OPCML: variants seen among roughly 807,000 people sequenced by gnomAD.
The protein encoded by OPCML is opioid binding protein/cell adhesion molecule like.
Under a neutral mutation model 37.8 loss-of-function variants are expected in OPCML, and 13 were observed. That is an observed-to-expected ratio of 0.34 (90% CI 0.22 to 0.55). OPCML has a LOEUF of 0.55. Ranked by LOEUF, OPCML falls within the 20% of genes least tolerant of loss-of-function variation. The pLI is 0.91. For missense variants in OPCML, 341 were observed against 435.6 expected (o/e 0.78, Z 1.93); for synonymous variants, 176 against 168.8 (o/e 1.04, Z -0.33).
At chr11:132,946,202 G>A (rs1219440160) in intron 1 of OPCML, among the ~76,000 whole-genome samples, 2 of 152,202 alleles carry the variant, frequency 1.3e-5, no homozygotes, top group African/African-American at 4.8e-5. Flanking sequence ...CACACTGGAA[G>A]AGCTTCAGGA....
chr11:132,531,524 CT>C (rs1314832220), intron 3 of OPCML, among the ~76,000 whole-genome samples: 1 of 152,158 alleles, frequency 6.6e-6, no homozygotes, highest in African/African-American at 2.4e-5. Flanking sequence ...ACAGGTAAGT[CT>C]TTTCAAGGAG....
intron 2 of OPCML, among the ~76,000 whole-genome samples, chr11:132,735,044 G>T (rs1430569301): frequency 1.3e-5 from 2 of 152,148 alleles, no homozygotes; most frequent in African/African-American, 2.4e-5. Context: ...AGTTGAAGGT[G>T]TACCTAAGTT....
intron 2 of OPCML, among the ~76,000 whole-genome samples, chr11:132,921,948 C>T (rs1235806090): frequency 9.9e-5 from 15 of 151,896 alleles, no homozygotes; most frequent in Admixed American, 3.3e-4. Flanking sequence ...GGCATGATCT[C>T]GGCTCACTGC....
intron 1 of OPCML, among the ~76,000 whole-genome samples, chr11:133,225,179 T>G (rs1015797487): frequency 9.2e-5 from 14 of 152,190 alleles, no homozygotes; most frequent in African/African-American, 2.7e-4. Flanking sequence ...AATCAGGCAC[T>G]TTGCTACTTA....
At chr11:133,152,391 A>T (rs928604761) in intron 1 of OPCML, among the ~76,000 whole-genome samples, 1 of 152,058 alleles carries the variant, frequency 6.6e-6, no homozygotes, top group Non-Finnish European at 1.5e-5. Flanking sequence ...TTATTTAAGA[A>T]CTCGGAGTTT....
chr11:132,584,813 G>T (rs949606100), intron 3 of OPCML, among the ~76,000 whole-genome samples: 3 of 152,336 alleles, frequency 2.0e-5, no homozygotes, highest in African/African-American at 7.2e-5. Flanking sequence ...CCTTAGAGCT[G>T]AAATAAGTTC....
At chr11:133,063,349 T>G (rs954804880) in intron 1 of OPCML, among the ~76,000 whole-genome samples, 1 of 152,046 alleles carries the variant, frequency 6.6e-6, no homozygotes, top group Non-Finnish European at 1.5e-5. Context: ...CAGCCTCCCA[T>G]GGGGTCAGAA....
rs1365794866 is a variant in OPCML, at chr11:132,943,312, C to T, written c.62-302G>A. 2 of 649,372 alleles carry T rather than the reference C, an allele frequency of 3.1e-6. No individual in the cohort carries two copies. The allele number at this position is 649,372 out of a possible 1,614,324, so 40.2% of individuals were successfully genotyped here. A position where few individuals can be genotyped will look rare whatever the true frequency, so the allele number is the denominator to read the frequency against. ...CCAGCCTAGCAGAACCAGATGCCCC[C>T]TCCTGCATCCAAAAAGAGCTTTCTT... is the stretch of plus-strand genomic sequence containing the variant. On this transcript the variant is annotated intron_variant, in intron 1 of 7. Transcript: ENST00000524381. This position sits in a 1 kb window ranked among gnomAD's most constrained non-coding sequence, Gnocchi z 4.3.
intron 1 of OPCML, among the ~76,000 whole-genome samples, chr11:133,280,536 T>G (rs898419640): frequency 6.6e-6 from 1 of 152,214 alleles, no homozygotes; most frequent in Non-Finnish European, 1.5e-5. Flanking sequence ...TCAAATCCCC[T>G]AACATTTGCG....
At chr11:133,175,496 A>AT (rs1950357818) in intron 1 of OPCML, among the ~76,000 whole-genome samples, 2 of 151,730 alleles carry the variant, frequency 1.3e-5, no homozygotes, top group Non-Finnish European at 2.9e-5. Flanking sequence ...AAAAAAAAAA[A>AT]AACAGAACTA....
rs1214507492 is a variant in OPCML, at chr11:132,668,601, T to C, written c.147-11282A>G. ...CACTGTTGCCTCATCTGGACAAATATAATTCAAGCTCTATGATCTAAGAGT... is the reference window on the plus strand; with the variant it reads ...CACTGTTGCCTCATCTGGACAAATACAATTCAAGCTCTATGATCTAAGAGT... On this transcript the variant is annotated intron_variant, in intron 2 of 7. Transcript: ENST00000524381. Among the ~76,000 whole-genome samples the C allele has an allele frequency of 3.9e-5, 6 of 152,206 alleles. No homozygotes were observed. The East Asian group carries it at 1.2e-3, about 29-fold the overall frequency.
intron 1 of OPCML, among the ~76,000 whole-genome samples, chr11:133,237,108 G>A (rs530945035): frequency 6.6e-6 from 1 of 152,308 alleles, no homozygotes; most frequent in African/African-American, 2.4e-5. Flanking sequence ...TTTAAGAAGT[G>A]CTAACCAAAA....
chr11:133,342,766 G>A lies in OPCML; in HGVS notation c.61+189498C>T, dbSNP rs76245297. Among the ~76,000 whole-genome samples, 916 of 152,262 alleles carry A rather than the reference G, an allele frequency of 6.0e-3. 2 individuals carry two copies. The highest frequency in any genetic ancestry group is 0.014 in the Middle Eastern group (4 of 294). On this transcript the variant is annotated intron_variant, in intron 1 of 7. Transcript: ENST00000524381. Reference sequence around the variant, plus strand: ...CAGGCTCAGGACAATGCTGGCTTCCGAGAAGGCCGTTTGGGACATAGAGGG... The same window carrying A: ...CAGGCTCAGGACAATGCTGGCTTCCAAGAAGGCCGTTTGGGACATAGAGGG...
intron 2 of OPCML, among the ~76,000 whole-genome samples, chr11:132,812,846 G>A (rs1054720680): frequency 1.3e-5 from 2 of 152,120 alleles, no homozygotes; most frequent in Non-Finnish European, 2.9e-5. Context: ...GTACTTTTCT[G>A]TATCTCCCTA....
At chr11:133,231,050 C>G (rs946803772) in intron 1 of OPCML, among the ~76,000 whole-genome samples, 8 of 152,124 alleles carry the variant, frequency 5.3e-5, no homozygotes, top group African/African-American at 1.9e-4. Context: ...TGTCAAATTC[C>G]CCGCTAGCAG....
At position 133,253,071 on chromosome 11, in the gene OPCML, G is replaced by A. The variant is rs554928294; in HGVS notation, c.61+279193C>T. On this transcript the variant is annotated intron_variant, in intron 1 of 7. Transcript: ENST00000524381. ...TGAGGCAGGAGAACCACTTGAAACCGGGAGGAAGAGCTTTCAGTGAGCTGA... is the reference window on the plus strand; with the variant it reads ...TGAGGCAGGAGAACCACTTGAAACCAGGAGGAAGAGCTTTCAGTGAGCTGA... Among the ~76,000 whole-genome samples, 11 of 151,704 alleles carry A rather than the reference G, an allele frequency of 7.3e-5. No individual in the cohort carries two copies. In the South Asian group the frequency reaches 1.5e-3, roughly 20 times the overall value.
At chr11:133,404,714 T>C (rs911504420) in intron 1 of OPCML, among the ~76,000 whole-genome samples, 1 of 152,146 alleles carries the variant, frequency 6.6e-6, no homozygotes, top group Non-Finnish European at 1.5e-5. Flanking sequence ...GCTAGGGACA[T>C]TAGAATTAGG....
intron 3 of OPCML, among the ~76,000 whole-genome samples, chr11:132,586,229 A>G (rs942724812): frequency 6.6e-6 from 1 of 152,224 alleles, no homozygotes; most frequent in Non-Finnish European, 1.5e-5. Context: ...ATCCCTAATC[A>G]AACTAGCAAG....
intron 2 of OPCML, among the ~76,000 whole-genome samples, chr11:132,698,899 A>T (rs1943702716): frequency 6.6e-6 from 1 of 152,142 alleles, no homozygotes; most frequent in Admixed American, 6.5e-5. Context: ...TCTCTGAAAA[A>T]AAATGCCATT....
Sources: gnomAD v4.1 joint callset for allele counts (sites outside exome capture counted in the v4.1 genomes callset) on GRCh38, gnomAD v4.1.1 for gene constraint, Gnocchi (gnomAD v3.1) non-coding constraint, MANE v1.5 for transcripts, NCBI Gene and HGNC (gene_info 2026-07-23, HGNC 2026-07-21) for gene names.